The following ARPC4 variants were observed in gnomAD, a reference collection of about 807,000 sequenced individuals.
ARPC4 encodes actin-related protein 2/3 complex subunit 4.
Under a neutral mutation model 22.8 loss-of-function variants are expected in ARPC4, and 3 were observed. The ratio of observed to expected loss-of-function variants is 0.13; its 90% CI spans 0.06 to 0.34. The LOEUF is 0.34. ARPC4 is among the 10% of genes least tolerant of loss of function. The pLI is 1.00. For missense variants in ARPC4, 98 were observed against 211.0 expected (o/e 0.46, Z 3.32); for synonymous variants, 80 against 72.5 (o/e 1.10, Z -0.52).
In ARPC4 at chr3:9,793,269, G is replaced by A. The variant is rs1389605504; in HGVS notation, c.3+145G>A. ...GGACACGATGAGGGTGGGAAAAAGAGACGGGGCGGGGGCCCGAGGTGAGGA... is the reference window on the plus strand; with the variant it reads ...GGACACGATGAGGGTGGGAAAAAGAAACGGGGCGGGGGCCCGAGGTGAGGA... On this transcript the variant is annotated intron_variant, in intron 1 of 5. Coordinates refer to ENST00000397261, the MANE Select transcript of ARPC4 (RefSeq NM_005718.5). 13 of 1,384,814 alleles carry A rather than the reference G, an allele frequency of 9.4e-6. No homozygotes were observed. The East Asian group carries it at 3.5e-4, about 37-fold the overall frequency. The allele number at this position is 1,384,814 out of a possible 1,614,324, so 85.8% of individuals were successfully genotyped here.
chr3:9,801,257 A>G (rs879162914), intron 3 of ARPC4, among the ~76,000 whole-genome samples: 4 of 150,946 alleles, frequency 2.6e-5, no homozygotes, highest in Admixed American at 2.6e-4. Flanking sequence ...AGCATTCAGA[A>G]GGGAGAAACT....
intron 1 of ARPC4, among the ~76,000 whole-genome samples, chr3:9,794,558 C>A (rs186267758): frequency 2.2e-4 from 34 of 152,206 alleles, no homozygotes; most frequent in African/African-American, 7.5e-4. Context: ...TAGTACCATC[C>A]GCTCAGGACA....
chr3:9,803,591 G>T (rs1466928780), intron 4 of ARPC4: 1 of 636,400 alleles, frequency 1.6e-6, no homozygotes, highest in Admixed American at 2.1e-5. Flanking sequence ...CAGAGCTGTT[G>T]TGCCACAGAT....
intron 3 of ARPC4, 72 bp from the exon 4 acceptor site, chr3:9,801,589 A>G: frequency 6.8e-7 from 1 of 1,461,464 alleles, no homozygotes; most frequent in Non-Finnish European, 9.2e-7. Context: ...TGGAGTCAGA[A>G]GACCAGGCTA....
chr3:9,793,071 CG>C, upstream of ARPC4: 1 of 1,545,108 alleles, frequency 6.5e-7, no homozygotes, highest in South Asian at 1.2e-5. Context: ...GCAGGCATCG[CG>C]GGGCTGGCCA....
rs1439174431 is a variant in ARPC4 at position 9,803,552 on chromosome 3, A to G, written c.331-291A>G. On this transcript the variant is annotated intron_variant, in intron 4 of 5. Coordinates refer to ENST00000397261, the MANE Select transcript of ARPC4 (RefSeq NM_005718.5). The stretch of plus-strand genomic sequence containing the variant: ...TTTGATTAGATTATTCTGTAACAAG[A>G]CTTCAAGTTCCTTGACTCATTCTGA... The G allele has an allele frequency of 7.1e-6, 4 of 560,322 alleles. No individual in the cohort carries two copies. The East Asian group carries it at 1.3e-4, about 18-fold the overall frequency. 34.7% of individuals were successfully genotyped at this position (560,322 alleles called of 1,614,324 possible).
upstream of ARPC4, chr3:9,792,658 C>T (rs2078767859): frequency 2.4e-6 from 3 of 1,232,310 alleles, no homozygotes; most frequent in East Asian, 6.3e-5. Flanking sequence ...GCTTGGCGGC[C>T]GAGATCTCCG....
intron 1 of ARPC4, among the ~76,000 whole-genome samples, chr3:9,796,077 CAG>C (rs1442499310): frequency 1.3e-5 from 2 of 151,778 alleles, no homozygotes; most frequent in Non-Finnish European, 2.9e-5. Context: ...GCCTGGACAA[CAG>C]AGTAAGACTC....
rs183262019 is a variant in ARPC4 at position 9,800,678 on chromosome 3, A to C, written c.234+382A>C. Among the ~76,000 whole-genome samples the C allele has an allele frequency of 2.1e-3, 316 of 151,798 alleles. 8 individuals are homozygous for C. The highest frequency in any genetic ancestry group is 0.013 in the East Asian group (68 of 5,134). On this transcript the variant is annotated intron_variant, in intron 3 of 5. Transcript: ENST00000397261. ...GACCGCAGGTGATGGGCCCGCCTCA[A>C]CCTCCCAAAGTACTGGGATTACAGT...
intron 2 of ARPC4, chr3:9,799,798 C>A: frequency 2.2e-6 from 1 of 448,936 alleles, no homozygotes; most frequent in Admixed American, 2.5e-5. Context: ...CTTGTAGTTA[C>A]TAAAATAGCT....
rs533826921 is a variant in ARPC4, at chr3:9,800,813, T to C, written c.234+517T>C. The stretch of plus-strand genomic sequence containing the variant: ...ACACACTGTTTTCTACAGAAACTTA[T>C]AAACCTGGGGCCTGCTTTCCTTGCT... On this transcript the variant is annotated intron_variant, in intron 3 of 5. Coordinates refer to ENST00000397261, the MANE Select transcript of ARPC4 (RefSeq NM_005718.5). Among the ~76,000 whole-genome samples the C allele has an allele frequency of 1.2e-4, 19 of 152,324 alleles. No individual in the cohort carries two copies. The East Asian group carries it at 1.7e-3, about 14-fold the overall frequency.
intron 1 of ARPC4, among the ~76,000 whole-genome samples, chr3:9,796,433 G>A (rs751128731): frequency 6.6e-6 from 1 of 152,006 alleles, no homozygotes; most frequent in Non-Finnish European, 1.5e-5. Context: ...ACATTTTTTT[G>A]TCAATTGTAA....
intron 1 of ARPC4, among the ~76,000 whole-genome samples, chr3:9,794,242 G>T (rs1182416553): frequency 1.3e-5 from 2 of 152,196 alleles, no homozygotes; most frequent in Non-Finnish European, 2.9e-5. Context: ...GCTCACGCTT[G>T]TAATCCCAGC....
chr3:9,803,769 C>T, intron 4 of ARPC4, 74 bp from the exon 5 acceptor site: 1 of 1,472,484 alleles, frequency 6.8e-7, no homozygotes, highest in African/African-American at 1.4e-5. Flanking sequence ...GAGGACATGA[C>T]CAGCTCAGTT....
chr3:9,796,777 T>A (rs537747110), intron 1 of ARPC4, among the ~76,000 whole-genome samples: 4 of 151,592 alleles, frequency 2.6e-5, no homozygotes, highest in Admixed American at 6.6e-5. Flanking sequence ...CTGTCTCTAC[T>A]AAAAATACAA....
chr3:9,801,511 C>T (rs2079010108), intron 3 of ARPC4, 150 bp from the exon 4 acceptor site: 1 of 663,568 alleles, frequency 1.5e-6, no homozygotes, highest in Non-Finnish European at 2.5e-6. Flanking sequence ...AGTTGACAGC[C>T]AGGTCCCCCA....
chr3:9,801,609 TTTGGCC>T, intron 3 of ARPC4, 46 bp from the exon 4 acceptor site: 1 of 1,536,404 alleles, frequency 6.5e-7, no homozygotes, highest in Non-Finnish European at 8.8e-7. Flanking sequence ...ACAAGGTGTT[TTTGGCC>T]TTGGGTGTCA....
At chr3:9,798,068 G>T in intron 2 of ARPC4, 5 of 228,928 alleles carry the variant, frequency 2.2e-5, no homozygotes, top group South Asian at 1.1e-4. Context: ...AACACTGGTA[G>T]TTTAAGGAAT....
Position 9,793,083 on chromosome 3 carries a change from C to G in ARPC4, c.-39C>G, listed in dbSNP as rs1327510499. On this transcript the variant is annotated 5_prime_UTR_variant, in exon 1 of 6. Transcript: ENST00000397261. ...AGGGCAGGCATCGCGGGGCTGGCCA[C>G]TTCCGTACTTCCGCTTTCCGGCCCA... 2 of 1,546,046 alleles carry G rather than the reference C, an allele frequency of 1.3e-6. No individual in the cohort carries two copies. Among genetic ancestry groups the G allele is most frequent in the South Asian group, 2.4e-5 (2 of 83,856 alleles).
Sources: gnomAD v4.1 joint callset for allele counts (sites outside exome capture counted in the v4.1 genomes callset) on GRCh38, gnomAD v4.1.1 for gene constraint, MANE v1.5 for transcripts, NCBI Gene and HGNC (gene_info 2026-07-23, HGNC 2026-07-21) for gene names.